The following NAALADL2 variants were observed in gnomAD, a reference collection of about 807,000 sequenced individuals.
NAALADL2 encodes N-acetylated alpha-linked acidic dipeptidase like 2, also known as inactive N-acetylated-alpha-linked acidic dipeptidase-like protein 2.
In NAALADL2, 76 loss-of-function variants were observed where a neutral mutation model predicts 87.2. The observed-to-expected ratio is 0.87, with a 90% CI of 0.72 to 1.05. The LOEUF is 1.05. Ranked by LOEUF, NAALADL2 falls within the 50% of genes least tolerant of loss-of-function variation. The probability of loss-of-function intolerance (pLI) is 0.00; values close to 1 mark genes in which losing one functional copy is unlikely to be tolerated. For synonymous variants in NAALADL2, 354 were observed against 331.0 expected, an observed-to-expected ratio of 1.07 and a Z score of -0.75; for missense variants, 1,089 against 945.8, an observed-to-expected ratio of 1.15 and a Z score of -1.99.
chr3:175,093,801 T>C (rs945976939), intron 1 of NAALADL2, among the ~76,000 whole-genome samples: 4 of 151,870 alleles, frequency 2.6e-5, no homozygotes, highest in Admixed American at 6.6e-5. Context: ...GTGTAATGAA[T>C]CCAAAAGTGG....
At chr3:175,426,324 C>T (rs532767613) in intron 5 of NAALADL2, among the ~76,000 whole-genome samples, 1 of 152,184 alleles carries the variant, frequency 6.6e-6, no homozygotes, top group East Asian at 1.9e-4. Flanking sequence ...AATTTGGCCA[C>T]TGCACTCCTG....
intron 2 of NAALADL2, among the ~76,000 whole-genome samples, chr3:175,201,960 C>T (rs994605419): frequency 6.6e-6 from 1 of 152,094 alleles, no homozygotes; most frequent in Admixed American, 6.6e-5. Flanking sequence ...CTTTATGTAT[C>T]ACTTACATGG....
intron 1 of NAALADL2, among the ~76,000 whole-genome samples, chr3:174,476,224 G>A (rs987484167): frequency 6.6e-6 from 1 of 150,726 alleles, no homozygotes; most frequent in Non-Finnish European, 1.5e-5. Flanking sequence ...ATTTGTTAAT[G>A]GTTATTTAAA....
chr3:174,788,140 A>G (rs1480569507), intron 3 of NAALADL2, among the ~76,000 whole-genome samples: 1 of 152,196 alleles, frequency 6.6e-6, no homozygotes, highest in East Asian at 1.9e-4. Context: ...AAGACCTAAC[A>G]TGACAGCTGA....
chr3:174,978,814 A>G (rs41373449), intron 1 of NAALADL2, among the ~76,000 whole-genome samples: 4,723 of 152,276 alleles, frequency 0.031, 232 homozygotes, highest in African/African-American at 0.11. Flanking sequence ...AAGAGAATTA[A>G]GAAGAGCCCA....
chr3:174,449,759 T>C (rs908009836), intron 1 of NAALADL2, among the ~76,000 whole-genome samples: 2 of 152,186 alleles, frequency 1.3e-5, no homozygotes, highest in Non-Finnish European at 2.9e-5. Context: ...GGAGATAATG[T>C]TGAAATTTTA....
chr3:174,913,216 C>T (rs536982979), intron 1 of NAALADL2, among the ~76,000 whole-genome samples: 1 of 152,218 alleles, frequency 6.6e-6, no homozygotes, highest in Admixed American at 6.5e-5. Flanking sequence ...ACTAGTAAGA[C>T]AAGTTTGAAG....
At chr3:174,713,238 A>G (rs1273141899) in intron 2 of NAALADL2, among the ~76,000 whole-genome samples, 1 of 152,180 alleles carries the variant, frequency 6.6e-6, no homozygotes, top group South Asian at 2.1e-4. Context: ...AGTCTTTGCT[A>G]TTGTGAATAT....
intron 2 of NAALADL2, among the ~76,000 whole-genome samples, chr3:174,585,852 G>A (rs2108571440): frequency 6.6e-6 from 1 of 152,210 alleles, no homozygotes; most frequent in Non-Finnish European, 1.5e-5. Flanking sequence ...GAGATATATT[G>A]CCTACTTTTA....
intron 1 of NAALADL2, among the ~76,000 whole-genome samples, chr3:174,534,016 C>T (rs547145811): frequency 5.9e-4 from 90 of 152,062 alleles, no homozygotes; most frequent in African/African-American, 2.1e-3. Context: ...TTTTAAAAAG[C>T]AAATGCACAT....
At chr3:175,054,158 C>T (rs562676272) in intron 1 of NAALADL2, among the ~76,000 whole-genome samples, 22 of 152,356 alleles carry the variant, frequency 1.4e-4, no homozygotes, top group African/African-American at 5.3e-4. Context: ...ATTACAGCTA[C>T]AAGCTCCGCT....
chr3:175,397,832 A>G (rs1770008294), intron 5 of NAALADL2, among the ~76,000 whole-genome samples: 1 of 152,130 alleles, frequency 6.6e-6, no homozygotes, highest in African/African-American at 2.4e-5. Flanking sequence ...GAGAGAAGTG[A>G]TGCATTAATT....
chr3:175,163,916 T>C (rs565984517), intron 2 of NAALADL2, among the ~76,000 whole-genome samples: 4 of 152,308 alleles, frequency 2.6e-5, no homozygotes, highest in Admixed American at 2.6e-4. Flanking sequence ...AATATTCCAT[T>C]GTCAATGATG....
intron 3 of NAALADL2, among the ~76,000 whole-genome samples, chr3:175,239,796 A>G (rs1746515710): frequency 6.6e-6 from 1 of 152,196 alleles, no homozygotes; most frequent in Non-Finnish European, 1.5e-5. Flanking sequence ...GGTCAGGTCA[A>G]TTCTGTACGA....
intron 2 of NAALADL2, among the ~76,000 whole-genome samples, chr3:175,212,427 G>A (rs1243528765): frequency 6.6e-6 from 1 of 151,834 alleles, no homozygotes; most frequent in Non-Finnish European, 1.5e-5. Context: ...TTGATTATAG[G>A]ATAAAATCAA....
chr3:174,635,670 T>C (rs1266353508), intron 2 of NAALADL2, among the ~76,000 whole-genome samples: 1 of 152,054 alleles, frequency 6.6e-6, no homozygotes, highest in East Asian at 1.9e-4. Context: ...GCCCACTTAA[T>C]TTTTGTATTT....
chr3:175,316,156 T>A (rs1759113750), intron 4 of NAALADL2, among the ~76,000 whole-genome samples: 1 of 152,118 alleles, frequency 6.6e-6, no homozygotes, highest in Admixed American at 6.6e-5. Flanking sequence ...GGTACCAAAT[T>A]TCTGAATTGT....
intron 10 of NAALADL2, among the ~76,000 whole-genome samples, chr3:175,600,099 T>C (rs1486473126): frequency 6.6e-6 from 1 of 151,988 alleles, no homozygotes; most frequent in African/African-American, 2.4e-5. Context: ...TATATGTGCA[T>C]GTATATTTTA....
At chr3:175,718,716 T>C in intron 11 of NAALADL2, 1 of 1,410,228 alleles carries the variant, frequency 7.1e-7, no homozygotes, top group East Asian at 2.3e-5. Context: ...ACTTGAGGCG[T>C]GGAGATCAAG....
Sources: gnomAD v4.1 joint callset for allele counts (sites outside exome capture counted in the v4.1 genomes callset) on GRCh38, gnomAD v4.1.1 for gene constraint, MANE v1.5 for transcripts, NCBI Gene and HGNC (gene_info 2026-07-23, HGNC 2026-07-21) for gene names.